Variants in OR51B5 observed in about 807,000 individuals in gnomAD.
The protein encoded by OR51B5 is olfactory receptor 51B5.
For synonymous variants in OR51B5, 186 were observed against 144.8 expected (o/e 1.28, Z -2.04); for missense variants, 456 against 374.6 (o/e 1.22, Z -1.79).
intron 1 of OR51B5, chr11:5,422,098 A>G (rs1054495060): frequency 2.2e-6 from 2 of 920,846 alleles, no homozygotes; most frequent in East Asian, 4.9e-5. Flanking sequence ...CTGAACATTT[A>G]TTTGTGTAGA....
At chr11:5,413,674 A>G (rs1850187101) in intron 1 of OR51B5, among the ~76,000 whole-genome samples, 1 of 152,220 alleles carries the variant, frequency 6.6e-6, no homozygotes. Context: ...ACTGGAAGAA[A>G]GGGTATCAGT....
At chr11:5,375,607 T>A (rs939494851) in intron 1 of OR51B5, among the ~76,000 whole-genome samples, 1 of 151,870 alleles carries the variant, frequency 6.6e-6, no homozygotes, top group Non-Finnish European at 1.5e-5. Context: ...AATAAAAGGA[T>A]GGAGGAAGAT....
chr11:5,440,644 G>T, intron 1 of OR51B5: 1 of 1,613,828 alleles, frequency 6.2e-7, no homozygotes, highest in Non-Finnish European at 8.5e-7. Context: ...TAGATGATAG[G>T]GTTGAGCATG....
chr11:5,357,804 G>C (rs1013070159), intron 1 of OR51B5, among the ~76,000 whole-genome samples: 78 of 151,288 alleles, frequency 5.2e-4, no homozygotes, highest in Non-Finnish European at 8.8e-4. Context: ...TCAGACCACA[G>C]TGCAATCAAA....
intron 1 of OR51B5, among the ~76,000 whole-genome samples, chr11:5,456,862 TAGTG>T (rs777159473): frequency 6.6e-6 from 1 of 152,338 alleles, no homozygotes; most frequent in African/African-American, 2.4e-5. Context: ...GTTCTCATGA[TAGTG>T]AGTGAGTTCT....
intron 1 of OR51B5, among the ~76,000 whole-genome samples, chr11:5,429,311 C>T (rs1176950395): frequency 6.6e-6 from 1 of 152,134 alleles, no homozygotes; most frequent in African/African-American, 2.4e-5. Context: ...ATACCAGGGT[C>T]TCAGTCTGTG....
intron 1 of OR51B5, among the ~76,000 whole-genome samples, chr11:5,492,233 A>AACAC (rs528322904): frequency 6.6e-6 from 1 of 151,792 alleles, no homozygotes; most frequent in African/African-American, 2.4e-5. Flanking sequence ...TCACAAAATA[A>AACAC]ACACACACAC....
intron 1 of OR51B5, chr11:5,456,595 T>G (rs906234679): frequency 3.3e-5 from 5 of 152,194 alleles, no homozygotes; most frequent in African/African-American, 9.7e-5. Context: ...TGTTTTTGAA[T>G]TCTTTGGTTA....
At chr11:5,396,918 A>G (rs557297326) in intron 1 of OR51B5, among the ~76,000 whole-genome samples, 79 of 152,342 alleles carry the variant, frequency 5.2e-4, no homozygotes, top group African/African-American at 1.8e-3. Context: ...CAACTATCTG[A>G]TCTTTGACAA....
At chr11:5,365,974 A>T (rs897879371) in intron 1 of OR51B5, among the ~76,000 whole-genome samples, 1 of 152,132 alleles carries the variant, frequency 6.6e-6, no homozygotes, top group Non-Finnish European at 1.5e-5. Context: ...GAACCACACA[A>T]ACTGAAGAAC....
At chr11:5,373,765 C>T (rs907022453) in intron 1 of OR51B5, among the ~76,000 whole-genome samples, 27 of 152,148 alleles carry the variant, frequency 1.8e-4, no homozygotes, top group Non-Finnish European at 2.9e-4. Flanking sequence ...AAGGTGGCAG[C>T]GAGGCTGGGG....
chr11:5,479,777 A>G (rs1252388586), intron 1 of OR51B5, among the ~76,000 whole-genome samples: 2 of 145,072 alleles, frequency 1.4e-5, no homozygotes, highest in East Asian at 4.1e-4. Context: ...GCCATTACAT[A>G]ATGGTAAAGG....
chr11:5,363,508 C>A (rs1025712522), intron 1 of OR51B5, among the ~76,000 whole-genome samples: 1 of 152,034 alleles, frequency 6.6e-6, no homozygotes, highest in Admixed American at 6.6e-5. Flanking sequence ...ACACACATCA[C>A]CACCACTCAG....
intron 1 of OR51B5, among the ~76,000 whole-genome samples, chr11:5,368,770 C>T (rs1380179097): frequency 6.6e-6 from 1 of 152,118 alleles, no homozygotes; most frequent in Non-Finnish European, 1.5e-5. Flanking sequence ...GGAAGCAAAA[C>T]CTCAGCATAG....
At chr11:5,451,494 C>T (rs747537482) in intron 1 of OR51B5, among the ~76,000 whole-genome samples, 5 of 152,150 alleles carry the variant, frequency 3.3e-5, no homozygotes, top group Non-Finnish European at 5.9e-5. Context: ...GAGACACAAG[C>T]ATATGCAGAC....
intron 1 of OR51B5, among the ~76,000 whole-genome samples, chr11:5,407,237 T>G (rs1487205035): frequency 8.5e-5 from 13 of 152,170 alleles, no homozygotes; most frequent in Non-Finnish European, 1.9e-4. Context: ...CTTTTATCTA[T>G]GAATATTCTA....
intron 1 of OR51B5, among the ~76,000 whole-genome samples, chr11:5,349,286 A>G (rs1358415602): frequency 1.3e-5 from 2 of 152,196 alleles, no homozygotes; most frequent in African/African-American, 4.8e-5. Flanking sequence ...TCTTCCCAAA[A>G]AATGAGGTGT....
At chr11:5,353,752 C>T (rs1211179758) in intron 1 of OR51B5, among the ~76,000 whole-genome samples, 2 of 152,254 alleles carry the variant, frequency 1.3e-5, no homozygotes, top group Non-Finnish European at 2.9e-5. Context: ...GGATGCCCCT[C>T]ATCTCTGGCC....
chr11:5,356,484 C>T (rs534212314), intron 1 of OR51B5, among the ~76,000 whole-genome samples: 15 of 147,058 alleles, frequency 1.0e-4, no homozygotes, highest in Middle Eastern at 3.4e-3. Flanking sequence ...TGTGAAAAGA[C>T]CAAATCTATA....
Sources: gnomAD v4.1 joint callset for allele counts (sites outside exome capture counted in the v4.1 genomes callset) on GRCh38, gnomAD v4.1.1 for gene constraint, MANE v1.5 for transcripts, NCBI Gene and HGNC (gene_info 2026-07-23, HGNC 2026-07-21) for gene names.